The following TRAF3IP1 variants were observed in gnomAD, a reference collection of about 807,000 sequenced individuals.
The protein encoded by TRAF3IP1 is TRAF3-interacting protein 1.
A neutral mutation model predicts 89.9 loss-of-function variants in TRAF3IP1; 53 were observed. That is an observed-to-expected ratio of 0.59 (90% CI 0.47 to 0.74). The LOEUF (loss-of-function observed/expected upper bound fraction) is 0.74. Among genes scored for constraint, TRAF3IP1 ranks in the 30% least tolerant of loss-of-function variants. The pLI is 0.00. For synonymous variants in TRAF3IP1, 311 were observed against 322.1 expected (o/e 0.97, Z 0.37); for missense variants, 806 against 866.1 (o/e 0.93, Z 0.87).
intron 15 of TRAF3IP1, among the ~76,000 whole-genome samples, chr2:238,363,042 CTATA>C (rs998283426): frequency 2.0e-5 from 3 of 152,170 alleles, no homozygotes; most frequent in Non-Finnish European, 4.4e-5. Flanking sequence ...AATATCTTAT[CTATA>C]CTTAGTTTTT....
At position 238,325,291 on chromosome 2, in the gene TRAF3IP1, C is replaced by T. The variant is rs758510046; in HGVS notation, c.124-15C>T. 26 of 1,614,024 alleles carry T rather than the reference C, an allele frequency of 1.6e-5. No individual in the cohort carries two copies. The South Asian group carries it at 2.7e-4, about 17-fold the overall frequency. ...TCTGTGAGGTGACATGGTGGCCTTT[C>T]TTTCTCTCTTGAAGGTGATTAGAAT... On this transcript the variant is annotated splice_polypyrimidine_tract_variant and intron_variant, in intron 1 of 16. Transcript: ENST00000373327.
rs369516358 is a variant in TRAF3IP1 at position 238,334,015 on chromosome 2, G to T, written c.1043G>T (p.Arg348Leu). The change falls in exon 7 of 17, where the codon CGA becomes CTA. Residue 348 changes from arginine (R) to leucine (L), a missense_variant. Around this residue, in one of 3 missense-constraint regions of TRAF3IP1, gnomAD observed 732 missense variants for 780.5 expected, o/e 0.94. Coordinates refer to ENST00000373327, the MANE Select transcript of TRAF3IP1 (RefSeq NM_015650.4). Reference protein sequence around the residue: ...KSLTTKTSKRRSKNSVEGRKE... With the variant: ...KSLTTKTSKRLSKNSVEGRKE... ...TTGACAACAAAAACATCAAAACGGC[G>T]ATCCAAAAATTCAGTGGAAGGTACT... is the stretch of plus-strand genomic sequence containing the variant. The T allele has an allele frequency of 6.2e-7, 1 of 1,610,116 alleles. No individual in the cohort carries two copies. The highest frequency in any genetic ancestry group is 1.7e-5 in the Admixed American group (1 of 59,586).
At chr2:238,372,992 T>C (rs1213323071) in intron 15 of TRAF3IP1, among the ~76,000 whole-genome samples, 1 of 152,230 alleles carries the variant, frequency 6.6e-6, no homozygotes, top group Non-Finnish European at 1.5e-5. Context: ...TGTTTTTTTC[T>C]TGTAAATTTG....
At chr2:238,334,078 G>GTTTTTTTTTTTTTT (rs5839695) in intron 7 of TRAF3IP1, 43 bp downstream of exon 7, 8 of 1,089,728 alleles carry the variant, frequency 7.3e-6, no homozygotes, top group Non-Finnish European at 9.0e-6. Context: ...ATGGATATTA[G>GTTTTTTTTTTTTTT]TTTTTTTTTT....
chr2:238,385,085 G>A (rs759439321), intron 15 of TRAF3IP1, among the ~76,000 whole-genome samples: 1 of 151,536 alleles, frequency 6.6e-6, no homozygotes, highest in African/African-American at 2.4e-5. Context: ...GTGCGATCTC[G>A]GCTCACTGCA....
intron 15 of TRAF3IP1, among the ~76,000 whole-genome samples, chr2:238,373,613 C>A (rs113618467): frequency 2.6e-5 from 4 of 152,226 alleles, no homozygotes; most frequent in African/African-American, 9.6e-5. Flanking sequence ...CTTGGCAATG[C>A]GGGCTCTTTT....
intron 15 of TRAF3IP1, among the ~76,000 whole-genome samples, chr2:238,380,808 C>T (rs1209960029): frequency 6.6e-6 from 1 of 152,130 alleles, no homozygotes; most frequent in Non-Finnish European, 1.5e-5. Context: ...TAGAAGAATG[C>T]AAGAAAATGA....
chr2:238,373,968 C>T (rs1176077323), intron 15 of TRAF3IP1, among the ~76,000 whole-genome samples: 1 of 152,146 alleles, frequency 6.6e-6, no homozygotes, highest in Non-Finnish European at 1.5e-5. Flanking sequence ...CTGATTTTTG[C>T]ACATTGATTT....
intron 15 of TRAF3IP1, among the ~76,000 whole-genome samples, chr2:238,371,274 T>C (rs1411715436): frequency 1.3e-5 from 2 of 152,212 alleles, no homozygotes; most frequent in African/African-American, 2.4e-5. Flanking sequence ...CAGGTGTTTT[T>C]TTCGGTTTGT....
chr2:238,339,614 C>T (rs1010400177), intron 8 of TRAF3IP1, among the ~76,000 whole-genome samples: 1 of 152,268 alleles, frequency 6.6e-6, no homozygotes. Context: ...GCTTACCTGC[C>T]TCATGGCCTT....
intron 8 of TRAF3IP1, 79 bp from the exon 9 acceptor site, chr2:238,344,418 C>G: frequency 9.1e-7 from 1 of 1,093,334 alleles, no homozygotes; most frequent in South Asian, 1.3e-5. Context: ...AGTAAGTGTG[C>G]TCTATGTTAA....
chr2:238,390,822 G>A (rs1010737004), intron 15 of TRAF3IP1, among the ~76,000 whole-genome samples: 1 of 152,048 alleles, frequency 6.6e-6, no homozygotes, highest in African/African-American at 2.4e-5. Context: ...TTAGGAGGTG[G>A]TGAGGCTGGG....
chr2:238,354,789 T>C (rs554229378), intron 14 of TRAF3IP1, among the ~76,000 whole-genome samples: 23 of 152,212 alleles, frequency 1.5e-4, no homozygotes, highest in African/African-American at 5.1e-4. Flanking sequence ...TAACTGGGAT[T>C]ACAGGCGCCC....
chr2:238,351,871 G>GCA lies in TRAF3IP1; in HGVS notation c.1452-955_1452-954insAC, dbSNP rs1235615360. On this transcript the variant is annotated intron_variant, in intron 12 of 16. Coordinates refer to ENST00000373327, the MANE Select transcript of TRAF3IP1 (RefSeq NM_015650.4). The surrounding 1 kb of genome is among the most constrained non-coding windows in gnomAD (Gnocchi z 5.2). ...TGTGTGTGTGTGTGTGTGTGTGCGC[G>GCA]CGCGCGCGTGTGCGTGCATGTGCTT... 1.3e-5 allele frequency among the ~76,000 whole-genome samples: 2 copies of GCA among 150,488 alleles called. No homozygotes were observed. Among genetic ancestry groups the GCA allele is most frequent in the Non-Finnish European group, 3.0e-5 (2 of 67,568 alleles).
chr2:238,382,714 G>C (rs932369925), intron 15 of TRAF3IP1, among the ~76,000 whole-genome samples: 1 of 152,002 alleles, frequency 6.6e-6, no homozygotes, highest in Non-Finnish European at 1.5e-5. Context: ...GCTCAGCATA[G>C]GGCATCACTG....
At chr2:238,322,451 G>C (rs1697598505) in intron 1 of TRAF3IP1, among the ~76,000 whole-genome samples, 1 of 152,174 alleles carries the variant, frequency 6.6e-6, no homozygotes, top group Admixed American at 6.5e-5. Context: ...CACTCTGGGA[G>C]GCCAAGGCGG....
In TRAF3IP1 at chr2:238,344,512, A is replaced by C. The variant is rs773179499; in HGVS notation, c.1175A>C (p.Asn392Thr). Reference protein sequence around the residue: ...TTSEIGTKEANINSTSISDDN... With the variant: ...TTSEIGTKEATINSTSISDDN... Reference sequence around the variant, plus strand: ...TTTATGTCAGGAACAAAAGAAGCTAATATTAACTCAACTAGTATTTCAGAT... The same window carrying C: ...TTTATGTCAGGAACAAAAGAAGCTACTATTAACTCAACTAGTATTTCAGAT... The change falls in exon 9 of 17, where the codon AAT becomes ACT. Residue 392 changes from asparagine to threonine, a missense_variant. By Grantham distance (65) the Asn-to-Thr change is moderately conservative. Transcript: ENST00000373327. 7 of 1,614,124 alleles carry C rather than the reference A, an allele frequency of 4.3e-6. No homozygotes were observed. The highest frequency in any genetic ancestry group is 1.1e-5 in the South Asian group (1 of 91,074).
At chr2:238,341,843 G>A (rs1250367751) in intron 8 of TRAF3IP1, among the ~76,000 whole-genome samples, 1 of 152,106 alleles carries the variant, frequency 6.6e-6, no homozygotes, top group African/African-American at 2.4e-5. Context: ...GAGAGGAAGC[G>A]CCAGTGTTCC....
chr2:238,399,082 T>C lies in TRAF3IP1; in HGVS notation c.*163T>C, dbSNP rs966786577. On this transcript the variant is annotated 3_prime_UTR_variant, in exon 17 of 17. Transcript: ENST00000373327. ...GCTTTAAAACTGTAAGCATGTTAAG[T>C]GTATTAAAAAAACCATGTTTTCTTA... 1.6e-6 allele frequency: 1 copy of C among 634,354 alleles called. No homozygotes were observed. Among genetic ancestry groups the C allele is most frequent in the Non-Finnish European group, 2.5e-6 (1 of 396,056 alleles). The allele number at this position is 634,354 out of a possible 1,614,324, so 39.3% of individuals were successfully genotyped here.
Sources: gnomAD v4.1 joint callset for allele counts (sites outside exome capture counted in the v4.1 genomes callset) on GRCh38, gnomAD v4.1.1 for gene constraint, gnomAD v4.1.1 regional missense constraint, Gnocchi (gnomAD v3.1) non-coding constraint, MANE v1.5 for transcripts, NCBI Gene and HGNC (gene_info 2026-07-23, HGNC 2026-07-21) for gene names.